The following CRADD variants were observed in gnomAD, a reference collection of about 807,000 sequenced individuals.
CRADD encodes CARD and death domain containing adaptor protein, also known as death domain-containing protein CRADD.
A neutral mutation model predicts 15.5 loss-of-function variants in CRADD; 9 were observed. That is an observed-to-expected ratio of 0.58 (90% CI 0.35 to 1.01). The LOEUF is 1.01. CRADD is among the 50% of genes least tolerant of loss of function. The probability of loss-of-function intolerance (pLI) is 0.02; values close to 1 mark genes in which losing one functional copy is unlikely to be tolerated. For synonymous variants in CRADD, 118 were observed against 107.6 expected (o/e 1.10, Z -0.60); for missense variants, 227 against 250.3 (o/e 0.91, Z 0.63).
chr12:93,817,996 C>T (rs772777730), intron 2 of CRADD, among the ~76,000 whole-genome samples: 1 of 152,206 alleles, frequency 6.6e-6, no homozygotes, highest in Non-Finnish European at 1.5e-5. Context: ...GGGTTCCCCC[C>T]GCCAGGTCTG....
intron 2 of CRADD, among the ~76,000 whole-genome samples, chr12:93,696,287 A>G (rs758253518): frequency 9.2e-5 from 14 of 152,248 alleles, no homozygotes; most frequent in Non-Finnish European, 1.9e-4. Context: ...CTACACTTTC[A>G]TGTTCACTGC....
At chr12:93,760,947 G>A (rs1464971910) in intron 2 of CRADD, among the ~76,000 whole-genome samples, 2 of 151,992 alleles carry the variant, frequency 1.3e-5, no homozygotes, top group Non-Finnish European at 2.9e-5. Context: ...ACTGGTTCAA[G>A]CAGAGGGGCC....
At chr12:93,713,420 G>A (rs1956108686) in intron 2 of CRADD, among the ~76,000 whole-genome samples, 2 of 152,054 alleles carry the variant, frequency 1.3e-5, no homozygotes, top group African/African-American at 4.8e-5. Flanking sequence ...CTCAGTGTCC[G>A]AGGGGTATTG....
At chr12:93,758,174 A>C (rs1252286411) in intron 2 of CRADD, among the ~76,000 whole-genome samples, 1 of 152,246 alleles carries the variant, frequency 6.6e-6, no homozygotes, top group Non-Finnish European at 1.5e-5. Context: ...GTATGTTACC[A>C]TATATAGAAT....
chr12:93,800,863 C>T (rs1442337446), intron 2 of CRADD, among the ~76,000 whole-genome samples: 1 of 152,152 alleles, frequency 6.6e-6, no homozygotes, highest in Non-Finnish European at 1.5e-5. Context: ...TATCTGGGCA[C>T]CCCTTAAGCC....
At chr12:93,718,357 T>G (rs1353740604) in intron 2 of CRADD, among the ~76,000 whole-genome samples, 1 of 152,240 alleles carries the variant, frequency 6.6e-6, no homozygotes, top group Non-Finnish European at 1.5e-5. Flanking sequence ...TTTCCTCATA[T>G]AGATCTTGTA....
At chr12:93,879,864 G>A (rs1234116596) in intron 2 of CRADD, among the ~76,000 whole-genome samples, 3 of 152,206 alleles carry the variant, frequency 2.0e-5, no homozygotes, top group Admixed American at 2.0e-4. Context: ...ATCTTGTCAA[G>A]CGTCCTACAA....
At chr12:93,873,716 T>G (rs1267142233) in intron 2 of CRADD, among the ~76,000 whole-genome samples, 1 of 152,150 alleles carries the variant, frequency 6.6e-6, no homozygotes, top group Non-Finnish European at 1.5e-5. Context: ...ATCACATTGA[T>G]TAATTTGTAT....
At chr12:93,729,137 C>T (rs1956419967) in intron 2 of CRADD, among the ~76,000 whole-genome samples, 1 of 152,098 alleles carries the variant, frequency 6.6e-6, no homozygotes, top group African/African-American at 2.4e-5. Context: ...CAAGTTTTGC[C>T]ACCAAATGAA....
intron 2 of CRADD, among the ~76,000 whole-genome samples, chr12:93,703,651 C>T (rs544733294): frequency 6.6e-6 from 1 of 152,188 alleles, no homozygotes; most frequent in East Asian, 1.9e-4. Flanking sequence ...CAGGAACCAC[C>T]ATACCCAGCC....
chr12:93,688,494 CAAA>C (rs143174603), intron 2 of CRADD, among the ~76,000 whole-genome samples: 18 of 80,504 alleles, frequency 2.2e-4, no homozygotes, highest in Admixed American at 5.4e-4. Flanking sequence ...GACCCTGTCT[CAAA>C]AAAAAAAAAA....
intron 2 of CRADD, among the ~76,000 whole-genome samples, chr12:93,704,095 A>G: frequency 6.9e-6 from 1 of 145,424 alleles, no homozygotes; most frequent in African/African-American, 2.5e-5. Context: ...TGCTGGAATT[A>G]CAGGTGTGAG....
chr12:93,835,018 T>C (rs1206683054), intron 2 of CRADD, among the ~76,000 whole-genome samples: 9 of 152,344 alleles, frequency 5.9e-5, no homozygotes, highest in African/African-American at 2.2e-4. Context: ...CTATAAACAC[T>C]GCATCCTTTA....
intron 2 of CRADD, among the ~76,000 whole-genome samples, chr12:93,870,656 G>C (rs949411891): frequency 1.3e-5 from 2 of 152,184 alleles, no homozygotes; most frequent in Non-Finnish European, 2.9e-5. Flanking sequence ...CCAACTCATA[G>C]GGTGGAGGTT....
intron 2 of CRADD, among the ~76,000 whole-genome samples, chr12:93,735,154 A>G (rs1956543850): frequency 6.6e-6 from 1 of 152,166 alleles, no homozygotes; most frequent in Non-Finnish European, 1.5e-5. Context: ...AAATGAATGA[A>G]CAAACACCCT....
chr12:93,710,194 C>T (rs527257981), intron 2 of CRADD, among the ~76,000 whole-genome samples: 4 of 152,246 alleles, frequency 2.6e-5, no homozygotes, highest in Middle Eastern at 3.4e-3. Flanking sequence ...GAAAGCTTTA[C>T]TCTCATGTTT....
intron 2 of CRADD, among the ~76,000 whole-genome samples, chr12:93,793,309 ATTAC>A (rs1327714877): frequency 2.0e-5 from 3 of 152,194 alleles, no homozygotes; most frequent in African/African-American, 4.8e-5. Flanking sequence ...AATAAGCTAT[ATTAC>A]TTAAGCTATA....
exon 3 of CRADD, chr12:93,894,265 T>G: frequency 1.5e-5 from 8 of 519,940 alleles, no homozygotes; most frequent in Non-Finnish European, 2.5e-5. Context: ...TGTGTATGTG[T>G]GTGGGTGGGC....
chr12:93,716,463 T>C (rs1325769125), intron 2 of CRADD, among the ~76,000 whole-genome samples: 1 of 152,224 alleles, frequency 6.6e-6, no homozygotes, highest in Non-Finnish European at 1.5e-5. Flanking sequence ...TATAACGACA[T>C]GTATCCACAT....
Sources: allele counts gnomAD v4.1 joint callset (sites outside exome capture counted in the v4.1 genomes callset), GRCh38; gene constraint gnomAD v4.1.1; transcripts MANE v1.5; gene names NCBI Gene and HGNC (gene_info 2026-07-23, HGNC 2026-07-21).